COL6A1: variants seen among roughly 807,000 people sequenced by gnomAD.
COL6A1 encodes the protein collagen type VI alpha 1 chain.
COL6A1 carries 80 observed loss-of-function variants against 145.6 expected under a neutral mutation model. The ratio of observed to expected loss-of-function variants is 0.55; its 90% CI spans 0.46 to 0.66. COL6A1 has a LOEUF of 0.66. COL6A1 is among the 30% of genes least tolerant of loss of function. The pLI is 0.00. For missense variants in COL6A1, 1,364 were observed against 1,473.8 expected, an observed-to-expected ratio of 0.93 and a Z score of 1.22; for synonymous variants, 638 against 622.8, an observed-to-expected ratio of 1.02 and a Z score of -0.36.
At chr21:45,982,497 C>T in intron 1 of COL6A1, 137 bp from the exon 2 acceptor site, 3 of 1,269,864 alleles carry the variant, frequency 2.4e-6, no homozygotes, top group Non-Finnish European at 3.3e-6. Flanking sequence ...GGACGTCCTG[C>T]TGCCTTTTCC....
rs559905789 is a variant in COL6A1 at position 45,983,522 on chromosome 21, G to A, written c.228-747G>A. Among the ~76,000 whole-genome samples the A allele has an allele frequency of 1.3e-4, 20 of 152,266 alleles. 1 individual carries two copies. The East Asian group carries it at 3.1e-3, about 24-fold the overall frequency. ...ACTGGCCGCTGGGCCGGAGCCTCCC[G>A]CCACCAGAAGGGGCACAGTCAGAGG... On this transcript the variant is annotated intron_variant, in intron 2 of 34. Coordinates refer to ENST00000361866, the MANE Select transcript of COL6A1 (RefSeq NM_001848.3).
At chr21:45,991,363 CA>C in intron 15 of COL6A1, among the ~76,000 whole-genome samples, 1 of 152,316 alleles carries the variant, frequency 6.6e-6, no homozygotes, top group African/African-American at 2.4e-5. Context: ...CTGCGAGCCG[CA>C]GCCCAGAATG....
rs2123470427 is a variant in COL6A1, at chr21:45,989,147, T to C, written c.858+10T>C. The C allele has an allele frequency of 6.3e-7, 1 of 1,597,306 alleles. No individual in the cohort carries two copies. The highest frequency in any genetic ancestry group is 1.1e-5 in the South Asian group (1 of 88,446). On this transcript the variant is annotated intron_variant, in intron 9 of 34. Coordinates refer to ENST00000361866, the MANE Select transcript of COL6A1 (RefSeq NM_001848.3). The stretch of plus-strand genomic sequence containing the variant: ...AGAAGCCGGAGATCCTGTGAGTGCC[T>C]GACTGTGGGGTGGGGGCCCTAAGAA...
chr21:45,995,502 A>C (rs940083889), intron 20 of COL6A1, among the ~76,000 whole-genome samples: 1 of 152,192 alleles, frequency 6.6e-6, no homozygotes, highest in African/African-American at 2.4e-5. Context: ...AGTGGGAATG[A>C]GCGTTCAGAG....
chr21:45,985,665 GA>G (rs1174358485), intron 3 of COL6A1, among the ~76,000 whole-genome samples: 1 of 152,216 alleles, frequency 6.6e-6, no homozygotes, highest in East Asian at 1.9e-4. Context: ...AGCCCTTCAC[GA>G]GGCCTCAGGA....
chr21:45,992,463 G>T, intron 18 of COL6A1, 65 bp downstream of exon 18: 1 of 1,555,376 alleles, frequency 6.4e-7, no homozygotes, highest in South Asian at 1.2e-5. Context: ...TGGCCTCTGC[G>T]GCCCAGTCTG....
At chr21:45,984,754 ACAGG>A (rs1399576269) in intron 3 of COL6A1, among the ~76,000 whole-genome samples, 1 of 152,138 alleles carries the variant, frequency 6.6e-6, no homozygotes, top group African/African-American at 2.4e-5. Context: ...AGGGACCAAG[ACAGG>A]CAGACAGAGA....
Position 45,992,168 on chromosome 21 carries a change from A to C in COL6A1, c.1187A>C (p.Gln396Pro). The C allele has an allele frequency of 6.2e-7, 1 of 1,613,714 alleles. No individual in the cohort carries two copies. Among genetic ancestry groups the C allele is most frequent in the East Asian group, 2.2e-5 (1 of 44,866 alleles). ...TTCAACCCTTGTTCCCCACAGGGCC[A>C]GCCGGGAGAGCCTGGGCCCCCCGGA... is the stretch of plus-strand genomic sequence containing the variant. ...GSSGPSGDEG[Q>P]PGEPGPPGEK... The change falls in exon 17 of 35, where the codon CAG becomes CCG. Residue 396 changes from glutamine (Q) to proline (P), a missense_variant. Coordinates refer to ENST00000361866, the MANE Select transcript of COL6A1 (RefSeq NM_001848.3).
At chr21:45,989,463 GC>G in intron 9 of COL6A1, 144 bp from the exon 10 acceptor site, 1 of 886,274 alleles carries the variant, frequency 1.1e-6, no homozygotes, top group Non-Finnish European at 1.8e-6. Flanking sequence ...ACCTTGGAGG[GC>G]CTCGGCACCA....
rs765495867 is a variant in COL6A1, at chr21:45,994,802, G to A, written c.1398+573G>A. Reference sequence around the variant, plus strand: ...ATGATGGTGGCTCCAGTGTGGTGTTGCCCGCAGGCTGGGCTGGGCCGTTGC... The same window carrying A: ...ATGATGGTGGCTCCAGTGTGGTGTTACCCGCAGGCTGGGCTGGGCCGTTGC... On this transcript the variant is annotated intron_variant, in intron 20 of 34. Coordinates refer to ENST00000361866, the MANE Select transcript of COL6A1 (RefSeq NM_001848.3). The surrounding 1 kb of genome is among the most constrained non-coding windows in gnomAD (Gnocchi z 6.8). Among the ~76,000 whole-genome samples the A allele has an allele frequency of 6.6e-6, 1 of 152,234 alleles. No individual in the cohort carries two copies. The highest frequency in any genetic ancestry group is 6.5e-5 in the Admixed American group (1 of 15,286).
In COL6A1 at chr21:46,002,318, A is replaced by G. The variant is rs938301156; in HGVS notation, c.2167A>G (p.Ile723Val). The G allele has an allele frequency of 7.5e-6, 12 of 1,593,204 alleles. No homozygotes were observed. Among genetic ancestry groups the G allele is most frequent in the Non-Finnish European group, 1.0e-5 (12 of 1,171,554 alleles). ...GCTGCCGCCCAGCCCGAACAACCGCATCGCCCTGGTCATCACTGACGGGCG... is the reference window on the plus strand; with the variant it reads ...GCTGCCGCCCAGCCCGAACAACCGCGTCGCCCTGGTCATCACTGACGGGCG... ...QLLPPSPNNR[I>V]ALVITDGRSD... Residue 723 changes from isoleucine (I) to valine (V), a missense_variant, in exon 32 of 35, where the codon ATC (isoleucine) becomes GTC (valine). Ile to Val is a conservative substitution (Grantham distance 29, BLOSUM62 3). Coordinates refer to ENST00000361866, the MANE Select transcript of COL6A1 (RefSeq NM_001848.3).
At chr21:46,000,820 G>A (rs751622766) in intron 29 of COL6A1, 53 bp downstream of exon 29, 143 of 1,605,430 alleles carry the variant, frequency 8.9e-5, no homozygotes, top group Non-Finnish European at 1.2e-4. Context: ...GTCGGGGAGC[G>A]AGGCCTGGGT....
intron 29 of COL6A1, 90 bp downstream of exon 29, chr21:46,000,857 G>A: frequency 1.4e-6 from 2 of 1,474,308 alleles, no homozygotes; most frequent in African/African-American, 2.8e-5. Context: ...GACAGCACAT[G>A]GCACTCTGGT....
intron 4 of COL6A1, 76 bp from the exon 5 acceptor site, chr21:45,986,868 C>T (rs2077742133): frequency 6.5e-7 from 1 of 1,533,236 alleles, no homozygotes; most frequent in Non-Finnish European, 8.7e-7. Context: ...CCAGCCTCCC[C>T]TCTGGCCCTG....
chr21:45,986,442 G>C, intron 3 of COL6A1, 84 bp from the exon 4 acceptor site: 2 of 1,406,760 alleles, frequency 1.4e-6, no homozygotes, highest in Non-Finnish European at 2.0e-6. Context: ...GTGAGACAGG[G>C]ACCAGCACCT....
chr21:45,999,282 G>A (rs534934348), intron 26 of COL6A1, 64 bp downstream of exon 26: 2 of 1,446,462 alleles, frequency 1.4e-6, no homozygotes, highest in Non-Finnish European at 1.9e-6. Flanking sequence ...TGCTGGGGCT[G>A]GGGAATGCTG....
intron 28 of COL6A1, 118 bp downstream of exon 28, chr21:46,000,485 A>G: frequency 7.6e-7 from 1 of 1,317,976 alleles, no homozygotes; most frequent in East Asian, 2.3e-5. Context: ...TACATCCTTG[A>G]GGAGGCTCCT....
intron 2 of COL6A1, among the ~76,000 whole-genome samples, chr21:45,983,035 C>G (rs1263124409): frequency 6.6e-6 from 1 of 152,190 alleles, no homozygotes; most frequent in Admixed American, 6.5e-5. Context: ...TCAGCAGGGC[C>G]GAGGTGACAG....
At position 45,999,189 on chromosome 21, in the gene COL6A1, A is replaced by G. The variant is rs1402000870; in HGVS notation, c.1711A>G (p.Lys571Glu). 6.2e-7 allele frequency: 1 copy of G among 1,603,176 alleles called. No homozygotes were observed. Among genetic ancestry groups the G allele is most frequent in the East Asian group, 2.2e-5 (1 of 44,504 alleles). Residue 571 changes from lysine to glutamate, a missense_variant, in exon 26 of 35, where the codon AAG becomes GAG. By Grantham distance (56) the Lys-to-Glu change is moderately conservative. Around this residue, in one of 3 missense-constraint regions of COL6A1, gnomAD observed 938 missense variants for 1,003.8 expected, o/e 0.93. Transcript: ENST00000361866. ...TGCACCCCGAGGAGTCAAAGGAGCAAAGGGGTACCGGGGTCCCGAGGGCCC... is the reference window on the plus strand; with the variant it reads ...TGCACCCCGAGGAGTCAAAGGAGCAGAGGGGTACCGGGGTCCCGAGGGCCC... Reference protein sequence around the residue: ...DIAPRGVKGAKGYRGPEGPQG... With the variant: ...DIAPRGVKGAEGYRGPEGPQG...
Sources: gnomAD v4.1 joint callset for allele counts (sites outside exome capture counted in the v4.1 genomes callset) on GRCh38, gnomAD v4.1.1 for gene constraint, gnomAD v4.1.1 regional missense constraint, Gnocchi (gnomAD v3.1) non-coding constraint, MANE v1.5 for transcripts, NCBI Gene and HGNC (gene_info 2026-07-23, HGNC 2026-07-21) for gene names.